Variants in PCBD1 observed in about 807,000 individuals in gnomAD.
PCBD1 encodes pterin-4-alpha-carbinolamine dehydratase.
Under a neutral mutation model 12.6 loss-of-function variants are expected in PCBD1, and 16 were observed. The ratio of observed to expected loss-of-function variants is 1.27; its 90% CI spans 0.86 to 1.93. PCBD1 has a LOEUF of 1.93. Among genes scored for constraint, PCBD1 ranks in the 30% most tolerant of loss-of-function variants. The pLI, the probability that PCBD1 is intolerant of heterozygous loss-of-function variation, is 0.00. For synonymous variants in PCBD1, 53 were observed against 50.2 expected (o/e 1.05, Z -0.23); for missense variants, 86 against 130.1 (o/e 0.66, Z 1.65).
downstream of PCBD1, among the ~76,000 whole-genome samples, chr10:70,883,086 C>T (rs995600011): frequency 2.0e-5 from 3 of 152,176 alleles, no homozygotes; most frequent in African/African-American, 4.8e-5. Flanking sequence ...CATATAATAC[C>T]TGTGCCCTTC....
rs755162991 is a variant in PCBD1 at position 70,883,923 on chromosome 10, G to C, written c.*27C>G. ...CCCAGTTCAGTCACCCCTTCCCCCG[G>C]AAGAATTCAAAGAGGAAGGGCAGGG... On this transcript the variant is annotated 3_prime_UTR_variant, in exon 4 of 4. Coordinates refer to ENST00000299299, the MANE Select transcript of PCBD1 (RefSeq NM_000281.4). 6.2e-7 allele frequency: 1 copy of C among 1,607,472 alleles called. No homozygotes were observed. The highest frequency in any genetic ancestry group is 8.5e-7 in the Non-Finnish European group (1 of 1,176,774).
Position 70,888,517 on chromosome 10 carries a change from AC to A in PCBD1, c.3+13del. 1 of 1,323,760 alleles carries A rather than the reference AC, an allele frequency of 7.6e-7. No individual in the cohort carries two copies. The highest frequency in any genetic ancestry group is 9.7e-7 in the Non-Finnish European group (1 of 1,033,922). 82.0% of individuals were successfully genotyped at this position (1,323,760 alleles called of 1,614,324 possible). On this transcript the variant is annotated intron_variant, in intron 1 of 3. Coordinates refer to ENST00000299299, the MANE Select transcript of PCBD1 (RefSeq NM_000281.4). ...CCCGCTGCCCCGATCGCGGCCGCGC[AC>A]CCCTGGACTCACCATGGCGCGGGCG...
intron 1 of PCBD1, among the ~76,000 whole-genome samples, chr10:70,886,859 A>T (rs910628269): frequency 6.6e-6 from 1 of 152,228 alleles, no homozygotes; most frequent in African/African-American, 2.4e-5. Flanking sequence ...CCTCAGAGAA[A>T]GCAAGGAAGC....
Position 70,883,746 on chromosome 10 carries a change from AAG to A in PCBD1, c.*202_*203del, listed in dbSNP as rs1274865940. 10 of 1,445,410 alleles carry A rather than the reference AAG, an allele frequency of 6.9e-6. No individual in the cohort carries two copies. The highest frequency in any genetic ancestry group is 8.2e-6 in the Non-Finnish European group (9 of 1,098,862). The allele number at this position is 1,445,410 out of a possible 1,614,324, so 89.5% of individuals were successfully genotyped here. A position where few individuals can be genotyped will look rare whatever the true frequency, so the allele number is the denominator to read the frequency against. On this transcript the variant is annotated 3_prime_UTR_variant, in exon 4 of 4. Transcript: ENST00000299299. ...TTAGTGTAACAGAGCCCCCAGGATGAAGAGAGTGGTGCAGGGAAAAGGTCTAA... is the reference window on the plus strand; with the variant it reads ...TTAGTGTAACAGAGCCCCCAGGATGAAGAGTGGTGCAGGGAAAAGGTCTAA...
intron 2 of PCBD1, 112 bp downstream of exon 2, chr10:70,885,686 G>A: frequency 1.5e-6 from 2 of 1,309,576 alleles, no homozygotes; most frequent in Non-Finnish European, 1.1e-6. Context: ...ATAACTGGAT[G>A]AGTGTGGTGT....
chr10:70,886,784 T>C (rs955054293), intron 1 of PCBD1, among the ~76,000 whole-genome samples: 3 of 152,172 alleles, frequency 2.0e-5, no homozygotes, highest in Admixed American at 6.5e-5. Flanking sequence ...CCCCATCCTA[T>C]TTACCTAATG....
At chr10:70,882,676 T>A (rs1043806127), downstream of PCBD1, among the ~76,000 whole-genome samples, 2 of 152,202 alleles carry the variant, frequency 1.3e-5, no homozygotes, top group African/African-American at 4.8e-5. Flanking sequence ...TCGGCTTTAC[T>A]CAGTCTACTG....
intron 1 of PCBD1, among the ~76,000 whole-genome samples, chr10:70,886,745 T>A (rs1846590545): frequency 6.6e-6 from 1 of 152,212 alleles, no homozygotes; most frequent in Non-Finnish European, 1.5e-5. Flanking sequence ...TGGAAGGAAC[T>A]TGGCCAAAGG....
chr10:70,885,838 T>C lies in PCBD1; in HGVS notation c.95A>G (p.Asp32Gly). ...AVGWNELEGR[D>G]AIFKQFHFKD... The stretch of plus-strand genomic sequence containing the variant: ...GAAATGAAACTGCTTGAAGATGGCA[T>C]CACGGCCTTCCAGCTCATTCCACCC... The change falls in exon 2 of 4, where the codon GAT (aspartate) becomes GGT (glycine). Residue 32 changes from aspartate (D) to glycine (G), a missense_variant. Physicochemically the swap from Asp to Gly is moderately conservative, Grantham distance 94. Coordinates refer to ENST00000299299, the MANE Select transcript of PCBD1 (RefSeq NM_000281.4). 2 of 1,614,074 alleles carry C rather than the reference T, an allele frequency of 1.2e-6. No individual in the cohort carries two copies. The highest frequency in any genetic ancestry group is 1.7e-6 in the Non-Finnish European group (2 of 1,180,008).
At chr10:70,885,093 C>CA in intron 3 of PCBD1, 59 bp downstream of exon 3, 1 of 1,390,124 alleles carries the variant, frequency 7.2e-7, no homozygotes, top group South Asian at 1.2e-5. Context: ...CAGAATGTGT[C>CA]AGAGTTCGCA....
intron 1 of PCBD1, chr10:70,888,152 C>A (rs1186493972): frequency 1.1e-5 from 2 of 189,258 alleles, no homozygotes; most frequent in Middle Eastern, 1.9e-3. Context: ...CAGCCTCCCT[C>A]TCGCTCCCAC....
rs1209366694 is a variant in PCBD1 at position 70,883,604 on chromosome 10, T to G, written c.*346A>C. The G allele has an allele frequency of 8.3e-7, 1 of 1,199,318 alleles. No homozygotes were observed. Among genetic ancestry groups the G allele is most frequent in the East Asian group, 5.1e-5 (1 of 19,630 alleles). 74.3% of individuals were successfully genotyped at this position (1,199,318 alleles called of 1,614,324 possible). A position where few individuals can be genotyped will look rare whatever the true frequency, so the allele number is the denominator to read the frequency against. ...GGGTCCTGGTTTCTAAGACAAGACTTTATTTCACCCTGTATCACAGCTTCC... is the reference window on the plus strand; with the variant it reads ...GGGTCCTGGTTTCTAAGACAAGACTGTATTTCACCCTGTATCACAGCTTCC... On this transcript the variant is annotated 3_prime_UTR_variant, in exon 4 of 4. Coordinates refer to ENST00000299299, the MANE Select transcript of PCBD1 (RefSeq NM_000281.4).
intron 3 of PCBD1, among the ~76,000 whole-genome samples, chr10:70,884,734 G>A (rs867694209): frequency 6.6e-5 from 10 of 151,818 alleles, no homozygotes; most frequent in Admixed American, 2.0e-4. Flanking sequence ...TGCCCACCTC[G>A]GCCTCCCAAA....
intron 1 of PCBD1, among the ~76,000 whole-genome samples, chr10:70,886,408 C>T (rs891549728): frequency 5.3e-4 from 80 of 152,314 alleles, no homozygotes; most frequent in African/African-American, 1.8e-3. Context: ...ATGCACCCCA[C>T]GTCCCTACCG....
At chr10:70,885,683 GATGAGT>G in intron 2 of PCBD1, 109 bp downstream of exon 2, 1 of 1,297,696 alleles carries the variant, frequency 7.7e-7, no homozygotes, top group Non-Finnish European at 1.1e-6. Flanking sequence ...CAAATAACTG[GATGAGT>G]GTGGTGTCTG....
Position 70,885,248 on chromosome 10 carries a change from G to T in PCBD1, c.136-16C>A. ...ACCCAAAGGCCTATTTAAGTGGAGT[G>T]AGAGCCAGGTTAGTGTTCTAAGAGA... On this transcript the variant is annotated splice_polypyrimidine_tract_variant and intron_variant, in intron 2 of 3. Coordinates refer to ENST00000299299, the MANE Select transcript of PCBD1 (RefSeq NM_000281.4). The T allele has an allele frequency of 6.2e-7, 1 of 1,605,248 alleles. No individual in the cohort carries two copies. Among genetic ancestry groups the T allele is most frequent in the Non-Finnish European group, 8.5e-7 (1 of 1,171,906 alleles).
At chr10:70,887,719 T>A (rs935090250) in intron 1 of PCBD1, 3 of 152,176 alleles carry the variant, frequency 2.0e-5, no homozygotes, top group African/African-American at 7.2e-5. Flanking sequence ...GTTTGCCTCC[T>A]CTGGCGAGGT....
At chr10:70,885,045 A>T in intron 3 of PCBD1, 107 bp downstream of exon 3, 1 of 870,974 alleles carries the variant, frequency 1.1e-6, no homozygotes, top group Non-Finnish European at 2.0e-6. Context: ...TGGATGACCT[A>T]TGGGTCAGGA....
chr10:70,883,908 T>A lies in PCBD1; in HGVS notation c.*42A>T. The A allele has an allele frequency of 1.3e-6, 2 of 1,594,586 alleles. No individual in the cohort carries two copies. The highest frequency in any genetic ancestry group is 1.7e-6 in the Non-Finnish European group (2 of 1,169,408). On this transcript the variant is annotated 3_prime_UTR_variant, in exon 4 of 4. Coordinates refer to ENST00000299299, the MANE Select transcript of PCBD1 (RefSeq NM_000281.4). Reference sequence around the variant, plus strand: ...CTCCCTCCCTGGACTCCCAGTTCAGTCACCCCTTCCCCCGGAAGAATTCAA... The same window carrying A: ...CTCCCTCCCTGGACTCCCAGTTCAGACACCCCTTCCCCCGGAAGAATTCAA...
Sources: gnomAD v4.1 joint callset for allele counts (sites outside exome capture counted in the v4.1 genomes callset) on GRCh38, gnomAD v4.1.1 for gene constraint, MANE v1.5 for transcripts, NCBI Gene and HGNC (gene_info 2026-07-23, HGNC 2026-07-21) for gene names.